APBB2: variants seen among roughly 807,000 people sequenced by gnomAD.
APBB2 encodes Fe65-like 1.
In APBB2, 38 loss-of-function variants were observed where a neutral mutation model predicts 82.5. The observed-to-expected ratio is 0.46, with a 90% CI of 0.36 to 0.60. The LOEUF is 0.60. APBB2 is among the 20% of genes least tolerant of loss of function. APBB2 has a pLI of 0.00. For synonymous variants in APBB2, 341 were observed against 368.2 expected, an observed-to-expected ratio of 0.93 and a Z score of 0.85; for missense variants, 772 against 972.3, an observed-to-expected ratio of 0.79 and a Z score of 2.74.
intron 10 of APBB2, among the ~76,000 whole-genome samples, chr4:40,902,404 A>G (rs1775556002): frequency 6.6e-6 from 1 of 152,216 alleles, no homozygotes; most frequent in Non-Finnish European, 1.5e-5. Flanking sequence ...TTTAAGAGCT[A>G]ACAGAAGAAA....
chr4:41,071,352 C>T (rs913663727), intron 3 of APBB2, among the ~76,000 whole-genome samples: 1 of 152,128 alleles, frequency 6.6e-6, no homozygotes, highest in African/African-American at 2.4e-5. Context: ...CATCATTCTG[C>T]AGTTATAGTA....
intron 1 of APBB2, among the ~76,000 whole-genome samples, chr4:41,165,721 C>T (rs950412560): frequency 5.3e-5 from 8 of 151,856 alleles, no homozygotes; most frequent in African/African-American, 1.5e-4. Context: ...GGGGAGTTTT[C>T]GGCCACTTTT....
At chr4:40,983,302 C>T (rs1264328443) in intron 6 of APBB2, among the ~76,000 whole-genome samples, 3 of 152,126 alleles carry the variant, frequency 2.0e-5, no homozygotes, top group Admixed American at 6.5e-5. Flanking sequence ...GAACAGACAC[C>T]AGAGCAAAGA....
intron 10 of APBB2, among the ~76,000 whole-genome samples, chr4:40,902,203 G>A (rs1407038316): frequency 6.6e-6 from 1 of 151,736 alleles, no homozygotes; most frequent in Non-Finnish European, 1.5e-5. Context: ...GTTAAGTAAG[G>A]ATTTACTGTA....
At chr4:40,951,892 CA>C (rs1342210853) in intron 6 of APBB2, among the ~76,000 whole-genome samples, 22 of 152,008 alleles carry the variant, frequency 1.4e-4, no homozygotes, top group African/African-American at 5.1e-4. Flanking sequence ...TCTCTAGGGT[CA>C]AATTATCATC....
chr4:40,817,999 A>G (rs1746395984), intron 17 of APBB2, among the ~76,000 whole-genome samples: 1 of 152,148 alleles, frequency 6.6e-6, no homozygotes, highest in South Asian at 2.1e-4. Context: ...TCAAAACCAC[A>G]CCTAAGTGTT....
intron 12 of APBB2, among the ~76,000 whole-genome samples, chr4:40,870,062 T>C (rs983055065): frequency 2.0e-5 from 3 of 152,024 alleles, no homozygotes; most frequent in African/African-American, 4.8e-5. Flanking sequence ...TATACATCAT[T>C]TTGGGGGAAG....
intron 1 of APBB2, among the ~76,000 whole-genome samples, chr4:41,180,136 A>C (rs994495559): frequency 5.3e-5 from 8 of 152,248 alleles, no homozygotes; most frequent in Non-Finnish European, 1.0e-4. Context: ...CTCTGTGGGC[A>C]AAGGTTTGGG....
intron 6 of APBB2, among the ~76,000 whole-genome samples, chr4:41,004,451 G>A (rs990635856): frequency 6.6e-6 from 1 of 152,154 alleles, no homozygotes; most frequent in Non-Finnish European, 1.5e-5. Flanking sequence ...ACAGAGACAG[G>A]AAACTTTATG....
At chr4:40,925,650 C>G (rs957062240) in intron 10 of APBB2, among the ~76,000 whole-genome samples, 1 of 152,170 alleles carries the variant, frequency 6.6e-6, no homozygotes, top group Non-Finnish European at 1.5e-5. Context: ...GAATAAAAAT[C>G]AATTATAAGA....
At chr4:41,068,006 C>G (rs1732529128) in intron 3 of APBB2, among the ~76,000 whole-genome samples, 1 of 152,096 alleles carries the variant, frequency 6.6e-6, no homozygotes, top group Non-Finnish European at 1.5e-5. Context: ...GCCAAAGGGT[C>G]AGGAGTACAG....
At chr4:40,820,932 G>A (rs568913203) in intron 17 of APBB2, among the ~76,000 whole-genome samples, 3 of 151,890 alleles carry the variant, frequency 2.0e-5, no homozygotes, top group Non-Finnish European at 4.4e-5. Context: ...GCAATGACGC[G>A]ATCTCGGTTC....
rs1248181168 is a variant in APBB2 at position 40,812,739 on chromosome 4, A to AATC, written c.*3350_*3352dup. 6.6e-6 allele frequency: 1 copy of AATC among 152,234 alleles called. No homozygotes were observed. The highest frequency in any genetic ancestry group is 1.5e-5 in the Non-Finnish European group (1 of 68,046). The allele number at this position is 152,234 out of a possible 1,614,324, so 9.4% of individuals were successfully genotyped here. A position where few individuals can be genotyped will look rare whatever the true frequency, so the allele number is the denominator to read the frequency against. ...GTCATCTTACAAGTGTCCATCTTGA[A>AATC]ATCATAAAGTGGATTTAAAAAGAAG... is the stretch of plus-strand genomic sequence containing the variant. On this transcript the variant is annotated 3_prime_UTR_variant, in exon 18 of 18. Coordinates refer to ENST00000508593, the MANE Select transcript of APBB2 (RefSeq NM_004307.2).
intron 4 of APBB2, among the ~76,000 whole-genome samples, chr4:41,053,419 C>G (rs944079596): frequency 5.3e-5 from 8 of 152,000 alleles, no homozygotes; most frequent in African/African-American, 1.9e-4. Flanking sequence ...CCCTACCCCT[C>G]AATTTAGCAA....
intron 12 of APBB2, among the ~76,000 whole-genome samples, chr4:40,887,754 G>C (rs898454830): frequency 1.3e-5 from 2 of 152,064 alleles, no homozygotes; most frequent in Admixed American, 6.6e-5. Context: ...TAGCTATGTG[G>C]AACCCTCCCA....
At chr4:41,071,724 A>G (rs1733966087) in intron 3 of APBB2, among the ~76,000 whole-genome samples, 1 of 152,180 alleles carries the variant, frequency 6.6e-6, no homozygotes, top group African/African-American at 2.4e-5. Flanking sequence ...TCAAAGAATA[A>G]GACATTGAGA....
intron 2 of APBB2, among the ~76,000 whole-genome samples, chr4:41,131,017 A>G (rs1037975036): frequency 6.6e-6 from 1 of 152,194 alleles, no homozygotes; most frequent in Non-Finnish European, 1.5e-5. Context: ...TCAGGCCCTG[A>G]AGTACTGACA....
intron 16 of APBB2, 43 bp from the exon 17 acceptor site, chr4:40,822,093 A>T: frequency 2.5e-6 from 4 of 1,607,826 alleles, no homozygotes; most frequent in Non-Finnish European, 3.4e-6. Flanking sequence ...AGATCCCAGG[A>T]TCAAGCTTAA....
At chr4:40,868,980 T>C (rs189178642) in intron 12 of APBB2, among the ~76,000 whole-genome samples, 3 of 152,298 alleles carry the variant, frequency 2.0e-5, no homozygotes, top group Non-Finnish European at 4.4e-5. Flanking sequence ...TCAATAATAT[T>C]TATTTCTTAT....
Sources: allele counts gnomAD v4.1 joint callset (sites outside exome capture counted in the v4.1 genomes callset), GRCh38; gene constraint gnomAD v4.1.1; transcripts MANE v1.5; gene names NCBI Gene and HGNC (gene_info 2026-07-23, HGNC 2026-07-21).